Variants in ARHGAP10 observed in about 807,000 individuals in gnomAD.
ARHGAP10 encodes the protein rho GTPase-activating protein 10.
A neutral mutation model predicts 108.6 loss-of-function variants in ARHGAP10; 87 were observed. The observed-to-expected ratio is 0.80, with a 90% CI of 0.67 to 0.96. The LOEUF (loss-of-function observed/expected upper bound fraction) is 0.96, where lower values mean the gene tolerates loss of function less well. ARHGAP10 is among the 40% of genes least tolerant of loss of function. The pLI, the probability that ARHGAP10 is intolerant of heterozygous loss-of-function variation, is 0.00. For missense variants in ARHGAP10, 939 were observed against 954.5 expected (o/e 0.98, Z 0.21); for synonymous variants, 347 against 341.1 (o/e 1.02, Z -0.19).
chr4:147,760,830 A>G (rs1394753193), intron 1 of ARHGAP10, among the ~76,000 whole-genome samples: 26 of 152,126 alleles, frequency 1.7e-4, no homozygotes, highest in Non-Finnish European at 5.9e-5. Context: ...TCTGCTGTGA[A>G]TGGCCGGTGG....
chr4:147,801,086 G>A (rs1462001203), intron 1 of ARHGAP10, among the ~76,000 whole-genome samples: 2 of 152,236 alleles, frequency 1.3e-5, no homozygotes, highest in African/African-American at 2.4e-5. Context: ...GATAACAGGC[G>A]TGAGCCACCG....
chr4:147,783,269 A>T (rs1211781048), intron 1 of ARHGAP10, among the ~76,000 whole-genome samples: 1 of 144,938 alleles, frequency 6.9e-6, no homozygotes, highest in Non-Finnish European at 1.5e-5. Flanking sequence ...TGTATAATTT[A>T]TATAACACAC....
At chr4:147,832,540 A>G (rs368620543) in intron 3 of ARHGAP10, among the ~76,000 whole-genome samples, 14 of 149,820 alleles carry the variant, frequency 9.3e-5, no homozygotes, top group African/African-American at 3.4e-4. Context: ...CTAGCTACTT[A>G]GGAGGCTGAG....
At chr4:148,057,164 G>A (rs1355982398) in intron 20 of ARHGAP10, among the ~76,000 whole-genome samples, 1 of 152,176 alleles carries the variant, frequency 6.6e-6, no homozygotes, top group Non-Finnish European at 1.5e-5. Context: ...ACAAGCCTAG[G>A]GGAGGAAGAA....
chr4:147,928,715 C>G (rs1737555303), intron 13 of ARHGAP10, among the ~76,000 whole-genome samples: 1 of 152,164 alleles, frequency 6.6e-6, no homozygotes, highest in Admixed American at 6.5e-5. Flanking sequence ...GACTCTCTTC[C>G]CAGCATGTGC....
In ARHGAP10 at chr4:148,023,316, A is replaced by C; in HGVS notation, c.1770A>C (p.Ala590=). The C allele has an allele frequency of 6.2e-7, 1 of 1,614,100 alleles. No homozygotes were observed. The highest frequency in any genetic ancestry group is 8.5e-7 in the Non-Finnish European group (1 of 1,179,996). The change falls in exon 19 of 23, where the codon GCA becomes GCC. Residue 590 remains alanine (A), a synonymous_variant. Transcript: ENST00000336498. ...TCCCTGAGCCCACCTGCCTGTCAGCATCACCCCCAAATGCGCCACCAAGGC... is the reference window on the plus strand; with the variant it reads ...TCCCTGAGCCCACCTGCCTGTCAGCCTCACCCCCAAATGCGCCACCAAGGC... ...TTFPEPTCLS[A]SPPNAPPRQS... is the part of the protein sequence containing the mutation.
In ARHGAP10 at chr4:148,056,725, T is replaced by C. The variant is rs114565316; in HGVS notation, c.2028-6423T>C. Reference sequence around the variant, plus strand: ...TTTCAAGCTCAAATCCAGGATGCCATGTTTCTATAAGCAACTTTAGATTTT... The same window carrying C: ...TTTCAAGCTCAAATCCAGGATGCCACGTTTCTATAAGCAACTTTAGATTTT... On this transcript the variant is annotated intron_variant, in intron 20 of 22. Coordinates refer to ENST00000336498, the MANE Select transcript of ARHGAP10 (RefSeq NM_024605.4). 9.3e-3 allele frequency among the ~76,000 whole-genome samples: 1,412 copies of C among 152,340 alleles called. 27 individuals are homozygous for C. Among genetic ancestry groups the C allele is most frequent in the African/African-American group, 0.032 (1,316 of 41,576 alleles).
chr4:147,999,941 T>A (rs77195333), intron 18 of ARHGAP10, among the ~76,000 whole-genome samples: 1,830 of 149,396 alleles, frequency 0.012, 38 homozygotes, highest in East Asian at 0.088. Context: ...TTTTTTTTTT[T>A]AAATTATACT....
At chr4:147,903,063 T>G (rs1251305492) in intron 10 of ARHGAP10, among the ~76,000 whole-genome samples, 1 of 152,140 alleles carries the variant, frequency 6.6e-6, no homozygotes, top group Admixed American at 6.5e-5. Context: ...ACTTTGGGAA[T>G]TGTAAATGCT....
chr4:147,849,726 T>G (rs1337405135), intron 4 of ARHGAP10, among the ~76,000 whole-genome samples: 1 of 152,226 alleles, frequency 6.6e-6, no homozygotes, highest in Non-Finnish European at 1.5e-5. Context: ...TTAAATCTAT[T>G]CTAAGTGGCT....
intron 14 of ARHGAP10, 74 bp from the exon 15 acceptor site, chr4:147,946,542 GC>G: frequency 1.6e-6 from 2 of 1,266,108 alleles, no homozygotes; most frequent in Non-Finnish European, 2.2e-6. Context: ...AAAAATGGAA[GC>G]TTTGTGAGCT....
intron 18 of ARHGAP10, among the ~76,000 whole-genome samples, chr4:148,007,577 A>G (rs1660194800): frequency 6.6e-6 from 1 of 152,102 alleles, no homozygotes; most frequent in African/African-American, 2.4e-5. Flanking sequence ...CGGTGTGTGA[A>G]CCTCTTTGGA....
At chr4:147,980,189 T>G (rs1236124177) in intron 18 of ARHGAP10, among the ~76,000 whole-genome samples, 7 of 152,216 alleles carry the variant, frequency 4.6e-5, no homozygotes, top group African/African-American at 1.7e-4. Flanking sequence ...TGGCTTTTAT[T>G]ATTTTGAGGT....
chr4:147,744,355 A>C (rs1273532889), intron 1 of ARHGAP10, among the ~76,000 whole-genome samples: 3 of 145,114 alleles, frequency 2.1e-5, no homozygotes, highest in Non-Finnish European at 3.0e-5. Context: ...GGGAATCTGC[A>C]TTGAGGATAA....
intron 1 of ARHGAP10, among the ~76,000 whole-genome samples, chr4:147,767,979 C>A (rs1729902691): frequency 6.6e-6 from 1 of 152,184 alleles, no homozygotes; most frequent in Non-Finnish European, 1.5e-5. Flanking sequence ...TAGGGAGTAC[C>A]TTTCCCTGCA....
At chr4:147,835,025 C>T (rs932102688) in intron 3 of ARHGAP10, among the ~76,000 whole-genome samples, 1 of 152,188 alleles carries the variant, frequency 6.6e-6, no homozygotes, top group Non-Finnish European at 1.5e-5. Context: ...GCTATTATCA[C>T]TATAAGCAGA....
intron 19 of ARHGAP10, among the ~76,000 whole-genome samples, chr4:148,037,230 C>T (rs1268886331): frequency 2.0e-5 from 3 of 152,166 alleles, no homozygotes; most frequent in African/African-American, 4.8e-5. Context: ...ATGCTCCTTT[C>T]CTCAGAATTG....
intron 9 of ARHGAP10, among the ~76,000 whole-genome samples, chr4:147,880,372 A>C (rs58929565): frequency 6.6e-6 from 1 of 152,238 alleles, no homozygotes; most frequent in African/African-American, 2.4e-5. Flanking sequence ...ACATTTATAT[A>C]ATAATGAAAC....
intron 4 of ARHGAP10, among the ~76,000 whole-genome samples, chr4:147,856,510 C>A (rs910923870): frequency 4.6e-5 from 7 of 152,208 alleles, no homozygotes; most frequent in African/African-American, 1.7e-4. Flanking sequence ...CCACACCTGG[C>A]CTCTTGCTCT....
Sources: gnomAD v4.1 joint callset for allele counts (sites outside exome capture counted in the v4.1 genomes callset) on GRCh38, gnomAD v4.1.1 for gene constraint, MANE v1.5 for transcripts, NCBI Gene and HGNC (gene_info 2026-07-23, HGNC 2026-07-21) for gene names.